Variants in EYS observed in about 807,000 individuals in gnomAD.
EYS encodes the protein EGF-like photoreceptor maintenance factor, also known as protein eyes shut homolog.
A neutral mutation model predicts 282.1 loss-of-function variants in EYS; 250 were observed. The ratio of observed to expected loss-of-function variants is 0.89; its 90% CI spans 0.80 to 0.98. EYS has a LOEUF of 0.98. Ranked by LOEUF, EYS falls within the 50% of genes least tolerant of loss-of-function variation. EYS has a pLI of 0.00. For missense variants in EYS, 4,016 were observed against 3,709.0 expected, an observed-to-expected ratio of 1.08 and a Z score of -2.15; for synonymous variants, 1,355 against 1,282.9, an observed-to-expected ratio of 1.06 and a Z score of -1.20.
At chr6:64,949,179 G>C (rs953888658) in intron 14 of EYS, among the ~76,000 whole-genome samples, 1 of 151,702 alleles carries the variant, frequency 6.6e-6, no homozygotes. Context: ...TACAAGTTTC[G>C]TGTCTTAAAA....
intron 12 of EYS, among the ~76,000 whole-genome samples, chr6:65,083,420 G>C (rs1774279389): frequency 3.3e-5 from 5 of 151,930 alleles, no homozygotes; most frequent in African/African-American, 1.2e-4. Context: ...CCAACATTAT[G>C]ACTCTTTACA....
chr6:65,198,881 G>A (rs1765832927), intron 12 of EYS, among the ~76,000 whole-genome samples: 1 of 152,092 alleles, frequency 6.6e-6, no homozygotes, highest in Non-Finnish European at 1.5e-5. Context: ...TTATGGATTT[G>A]ATTGGGGGGT....
chr6:64,559,638 A>G (rs903172571), intron 26 of EYS, among the ~76,000 whole-genome samples: 2 of 152,134 alleles, frequency 1.3e-5, no homozygotes, highest in Non-Finnish European at 2.9e-5. Flanking sequence ...AAAAGAATGC[A>G]GTATTTCAAC....
chr6:64,285,822 A>G (rs1163117689), intron 30 of EYS, among the ~76,000 whole-genome samples: 1 of 152,152 alleles, frequency 6.6e-6, no homozygotes. Flanking sequence ...AGATCTCGTG[A>G]GACTTATTCA....
intron 5 of EYS, among the ~76,000 whole-genome samples, chr6:65,427,056 T>TTC (rs1767690421): frequency 6.6e-6 from 1 of 152,054 alleles, no homozygotes; most frequent in Admixed American, 6.6e-5. Flanking sequence ...AGCCATAGTC[T>TTC]TCTCTATTAT....
intron 36 of EYS, among the ~76,000 whole-genome samples, chr6:63,826,845 C>CAAAAAAAAAAAAAAAAAAAAAGAAAAA (rs59957107): frequency 1.3e-5 from 1 of 76,762 alleles, no homozygotes; most frequent in Non-Finnish European, 2.5e-5. Flanking sequence ...AGTTAAAAAG[C>CAAAAAAAAAAAAAAAAAAAAAGAAAAA]AAAAAAAAAA....
At chr6:65,532,755 A>T (rs1247380081) in intron 2 of EYS, among the ~76,000 whole-genome samples, 1 of 152,132 alleles carries the variant, frequency 6.6e-6, no homozygotes, top group Non-Finnish European at 1.5e-5. Flanking sequence ...ATGGATATGT[A>T]CTAAAAAGCT....
chr6:64,388,894 C>A, intron 28 of EYS, 54 bp from the exon 29 acceptor site: 7 of 1,108,008 alleles, frequency 6.3e-6, no homozygotes, highest in East Asian at 6.1e-5. Flanking sequence ...AAACATTTAT[C>A]TGACAAATTA....
At chr6:64,684,112 A>T (rs900626767) in intron 22 of EYS, among the ~76,000 whole-genome samples, 1 of 152,194 alleles carries the variant, frequency 6.6e-6, no homozygotes, top group Non-Finnish European at 1.5e-5. Context: ...CTTAAGAGAT[A>T]AAGAAAATAT....
rs75503191 is a variant in EYS, at chr6:65,492,153, T to C, written c.749-1446A>G. On this transcript the variant is annotated intron_variant, in intron 4 of 42. Coordinates refer to ENST00000503581, the MANE Select transcript of EYS (RefSeq NM_001142800.2). ...TTTGACAATTCTACATATTTCATTA[T>C]CTTCTTCGATTTTTAAAATTGAAGT... Among the ~76,000 whole-genome samples the C allele has an allele frequency of 2.1e-3, 313 of 152,326 alleles. 2 individuals are homozygous for C. The highest frequency in any genetic ancestry group is 7.2e-3 in the African/African-American group (301 of 41,580).
intron 2 of EYS, among the ~76,000 whole-genome samples, chr6:65,572,887 C>T (rs1429881100): frequency 6.6e-6 from 1 of 152,112 alleles, no homozygotes; most frequent in East Asian, 1.9e-4. Flanking sequence ...TATTTGCATG[C>T]TTTCCATTAA....
At chr6:64,409,185 C>G (rs148952516) in intron 28 of EYS, among the ~76,000 whole-genome samples, 1 of 152,138 alleles carries the variant, frequency 6.6e-6, no homozygotes, top group Non-Finnish European at 1.5e-5. Context: ...CTTTCTTTAT[C>G]CAGTCCACTA....
intron 31 of EYS, among the ~76,000 whole-genome samples, chr6:64,133,357 A>T (rs1254557300): frequency 1.3e-5 from 2 of 152,030 alleles, no homozygotes; most frequent in East Asian, 1.9e-4. Flanking sequence ...CAGCTTTTTC[A>T]TCTGATATCT....
intron 29 of EYS, among the ~76,000 whole-genome samples, chr6:64,337,825 A>T (rs1770911596): frequency 6.6e-6 from 1 of 152,162 alleles, no homozygotes; most frequent in Non-Finnish European, 1.5e-5. Context: ...GTGGTTTAAC[A>T]TACACAAGTC....
intron 36 of EYS, among the ~76,000 whole-genome samples, chr6:63,841,812 A>T (rs186143734): frequency 6.6e-5 from 10 of 152,096 alleles, no homozygotes; most frequent in Middle Eastern, 3.4e-3. Flanking sequence ...CCCTCTGCCC[A>T]TATGTTCTCA....
chr6:65,136,412 T>C (rs564133411), intron 12 of EYS, among the ~76,000 whole-genome samples: 39 of 152,092 alleles, frequency 2.6e-4, no homozygotes, highest in South Asian at 2.1e-3. Context: ...TTTTTTATAG[T>C]TAGAATTATT....
At position 65,141,506 on chromosome 6, in the gene EYS, C is replaced by A. The variant is rs561783972; in HGVS notation, c.2024-83779G>T. Among the ~76,000 whole-genome samples, 196 of 147,698 alleles carry A rather than the reference C, an allele frequency of 1.3e-3. 1 individual carries two copies. The highest frequency in any genetic ancestry group is 0.01 in the Middle Eastern group (3 of 290). ...TTAAAGTATAATAATAAAAAAAAAA[C>A]AAAATTTCTAAATCTGGCAAAAGAT... is the stretch of plus-strand genomic sequence containing the variant. On this transcript the variant is annotated intron_variant, in intron 12 of 42. Coordinates refer to ENST00000503581, the MANE Select transcript of EYS (RefSeq NM_001142800.2).
chr6:64,543,726 T>C (rs1381242114), intron 26 of EYS, among the ~76,000 whole-genome samples: 1 of 152,166 alleles, frequency 6.6e-6, no homozygotes, highest in Non-Finnish European at 1.5e-5. Context: ...ACACTAGTTA[T>C]TGAACTTTGA....
chr6:65,153,242 G>A (rs1292377973), intron 12 of EYS, among the ~76,000 whole-genome samples: 1 of 151,760 alleles, frequency 6.6e-6, no homozygotes, highest in Non-Finnish European at 1.5e-5. Context: ...CAGCATTCAG[G>A]AGCTTTCACC....
Sources: gnomAD v4.1 joint callset for allele counts (sites outside exome capture counted in the v4.1 genomes callset) on GRCh38, gnomAD v4.1.1 for gene constraint, MANE v1.5 for transcripts, NCBI Gene and HGNC (gene_info 2026-07-23, HGNC 2026-07-21) for gene names.